The following SMAD2 variants were observed in gnomAD, a reference collection of about 807,000 sequenced individuals.
The protein encoded by SMAD2 is SMAD family member 2, also known as MAD homolog 2.
Under a neutral mutation model 64.4 loss-of-function variants are expected in SMAD2, and 8 were observed. The ratio of observed to expected loss-of-function variants is 0.12; its 90% confidence interval spans 0.07 to 0.22. The LOEUF is 0.22. Among genes scored for constraint, SMAD2 ranks in the 10% least tolerant of loss-of-function variants. SMAD2 has a pLI of 1.00. For missense variants in SMAD2, 289 were observed against 561.2 expected, an observed-to-expected ratio of 0.51 and a Z score of 4.90; for synonymous variants, 203 against 195.8, an observed-to-expected ratio of 1.04 and a Z score of -0.31.
chr18:47,925,325 CCT>C (rs2144553710), intron 1 of SMAD2, among the ~76,000 whole-genome samples: 1 of 152,254 alleles, frequency 6.6e-6, no homozygotes, highest in East Asian at 1.9e-4. Flanking sequence ...AGACTACAAA[CCT>C]AAAGATACAT....
rs1340252291 is a variant in SMAD2 at position 47,815,868 on chromosome 18, G to GT, written c.*25958dup. The GT allele has an allele frequency of 6.6e-6, 1 of 152,252 alleles. No individual in the cohort carries two copies. The highest frequency in any genetic ancestry group is 1.5e-5 in the Non-Finnish European group (1 of 68,066). The allele number at this position is 152,252 out of a possible 1,614,324, so 9.4% of individuals were successfully genotyped here. A position where few individuals can be genotyped will look rare whatever the true frequency, so the allele number is the denominator to read the frequency against. ...GTAGGAAAAAGCTAGTGGTGCCAGA[G>GT]TTTAAGTTTTCAGAGGAGGAATAAT... On this transcript the variant is annotated 3_prime_UTR_variant, in exon 11 of 11. Transcript: ENST00000262160.
rs1196956093 is a variant in SMAD2 at position 47,820,653 on chromosome 18, A to G, written c.*21174T>C. 6.6e-6 allele frequency: 1 copy of G among 152,188 alleles called. No homozygotes were observed. Among genetic ancestry groups the G allele is most frequent in the Non-Finnish European group, 1.5e-5 (1 of 68,026 alleles). The allele number at this position is 152,188 out of a possible 1,614,324, so 9.4% of individuals were successfully genotyped here. ...TGACCAGTTGTTTAAGGGGAAGTAT[A>G]AAACAAAGCAGAAAGTTTAAGCATG... On this transcript the variant is annotated 3_prime_UTR_variant, in exon 11 of 11. Coordinates refer to ENST00000262160, the MANE Select transcript of SMAD2 (RefSeq NM_005901.6).
At chr18:47,882,992 GCT>G (rs914877254) in intron 2 of SMAD2, among the ~76,000 whole-genome samples, 1 of 152,110 alleles carries the variant, frequency 6.6e-6, no homozygotes, top group Non-Finnish European at 1.5e-5. Context: ...GTGATTGTGG[GCT>G]CTCTGTCTTT....
chr18:47,909,102 C>T (rs1217380632), intron 1 of SMAD2, among the ~76,000 whole-genome samples: 1 of 152,100 alleles, frequency 6.6e-6, no homozygotes, highest in South Asian at 2.1e-4. Flanking sequence ...TGTGAAGCTG[C>T]CACTGCAGCT....
At chr18:47,916,991 T>C (rs975654549) in intron 1 of SMAD2, among the ~76,000 whole-genome samples, 1 of 152,208 alleles carries the variant, frequency 6.6e-6, no homozygotes, top group Non-Finnish European at 1.5e-5. Context: ...TTTGTTGTTG[T>C]CGTTGTTGAG....
rs1417006211 is a variant in SMAD2 at position 47,834,745 on chromosome 18, TA to T, written c.*7081del. The T allele has an allele frequency of 1.8e-5, 4 of 221,322 alleles. No homozygotes were observed. Among genetic ancestry groups the T allele is most frequent in the Non-Finnish European group, 3.6e-5 (4 of 110,548 alleles). 13.7% of individuals were successfully genotyped at this position (221,322 alleles called of 1,614,324 possible). A position where few individuals can be genotyped will look rare whatever the true frequency, so the allele number is the denominator to read the frequency against. On this transcript the variant is annotated 3_prime_UTR_variant, in exon 11 of 11. Coordinates refer to ENST00000262160, the MANE Select transcript of SMAD2 (RefSeq NM_005901.6). ...GAAATCTGTTTTCAGACAAATCTTCTAAAGGTTCTTCTAGCTTTGTCCAGTT... is the reference window on the plus strand; with the variant it reads ...GAAATCTGTTTTCAGACAAATCTTCTAAGGTTCTTCTAGCTTTGTCCAGTT...
At chr18:47,896,843 T>C in intron 1 of SMAD2, 34 bp from the exon 2 acceptor site, 1 of 1,528,280 alleles carries the variant, frequency 6.5e-7, no homozygotes. Context: ...ATGTAGAGAC[T>C]ACCTTGAACA....
rs1447768641 is a variant in SMAD2 at position 47,837,615 on chromosome 18, C to G, written c.*4212G>C. On this transcript the variant is annotated 3_prime_UTR_variant, in exon 11 of 11. Coordinates refer to ENST00000262160, the MANE Select transcript of SMAD2 (RefSeq NM_005901.6). ...GGCTAACAAGAAAGAGGATAACCAG[C>G]AAGTACCACCTGGATGTGTGTTGTC... The G allele has an allele frequency of 4.4e-6, 1 of 229,216 alleles. No individual in the cohort carries two copies. Among genetic ancestry groups the G allele is most frequent in the Admixed American group, 5.8e-5 (1 of 17,290 alleles). The allele number at this position is 229,216 out of a possible 1,614,324, so 14.2% of individuals were successfully genotyped here. A position where few individuals can be genotyped will look rare whatever the true frequency, so the allele number is the denominator to read the frequency against.
chr18:47,836,476 C>G lies in SMAD2; in HGVS notation c.*5351G>C. ...GCAGATTAAGAAAATTAATGTACTCCAATGGTCTGTCCATGAAAGGAAAAT... is the reference window on the plus strand; with the variant it reads ...GCAGATTAAGAAAATTAATGTACTCGAATGGTCTGTCCATGAAAGGAAAAT... On this transcript the variant is annotated 3_prime_UTR_variant, in exon 11 of 11. Coordinates refer to ENST00000262160, the MANE Select transcript of SMAD2 (RefSeq NM_005901.6). 4.5e-6 allele frequency: 1 copy of G among 220,366 alleles called. No homozygotes were observed. Among genetic ancestry groups the G allele is most frequent in the East Asian group, 6.7e-5 (1 of 14,982 alleles). The allele number at this position is 220,366 out of a possible 1,614,324, so 13.7% of individuals were successfully genotyped here.
rs71162900 is a variant in SMAD2, at chr18:47,882,041, CTTTTTTTTTTTTTTTTTT to C, written c.237-11495_237-11478del. ...CACAGGAATGTACTACCACGCTTGG[CTTTTTTTTTTTTTTTTTT>C]TTTTTTTTGTGGAGACAGAGTCTTA... On this transcript the variant is annotated intron_variant, in intron 2 of 10. Transcript: ENST00000262160. Among the ~76,000 whole-genome samples, 22 of 38,874 alleles carry C rather than the reference CTTTTTTTTTTTTTTTTTT, an allele frequency of 5.7e-4. No individual in the cohort carries two copies. The East Asian group carries it at 0.015, about 26-fold the overall frequency. The allele number at this position is 38,874 out of a possible 152,430, so 25.5% of individuals were successfully genotyped here.
chr18:47,915,797 A>T (rs2034309879), intron 1 of SMAD2, among the ~76,000 whole-genome samples: 1 of 152,164 alleles, frequency 6.6e-6, no homozygotes, highest in Non-Finnish European at 1.5e-5. Context: ...TGTCTCCCTT[A>T]CGTTCCTTTT....
At chr18:47,920,962 C>A (rs932990105) in intron 1 of SMAD2, among the ~76,000 whole-genome samples, 1 of 152,168 alleles carries the variant, frequency 6.6e-6, no homozygotes, top group Non-Finnish European at 1.5e-5. Flanking sequence ...CAAGACAAAT[C>A]TAGGCAACAT....
chr18:47,853,981 C>A (rs2030410597), intron 6 of SMAD2, among the ~76,000 whole-genome samples: 1 of 151,836 alleles, frequency 6.6e-6, no homozygotes, highest in African/African-American at 2.4e-5. Flanking sequence ...CCAGTAGGAT[C>A]ATTTAAATTA....
intron 1 of SMAD2, among the ~76,000 whole-genome samples, chr18:47,919,155 CA>C (rs1376350119): frequency 6.6e-6 from 1 of 151,942 alleles, no homozygotes; most frequent in East Asian, 1.9e-4. Flanking sequence ...ATACTGTAAA[CA>C]AAGTCAAGAG....
In SMAD2 at chr18:47,828,088, C is replaced by T. The variant is rs1241869643; in HGVS notation, c.*13739G>A. The T allele has an allele frequency of 5.0e-4, 82 of 163,282 alleles. No homozygotes were observed. The highest frequency in any genetic ancestry group is 5.1e-4 in the Non-Finnish European group (39 of 76,102). The allele number at this position is 163,282 out of a possible 1,614,324, so 10.1% of individuals were successfully genotyped here. A position where few individuals can be genotyped will look rare whatever the true frequency, so the allele number is the denominator to read the frequency against. ...GATGTGAGGAGTGTCTCTGCCCGAC[C>T]GCCACCCCGTCTGGGAGGTGAGGAG... is the stretch of plus-strand genomic sequence containing the variant. On this transcript the variant is annotated 3_prime_UTR_variant, in exon 11 of 11. Coordinates refer to ENST00000262160, the MANE Select transcript of SMAD2 (RefSeq NM_005901.6).
intron 1 of SMAD2, among the ~76,000 whole-genome samples, chr18:47,914,590 C>T (rs1270736964): frequency 6.6e-6 from 1 of 152,120 alleles, no homozygotes; most frequent in East Asian, 1.9e-4. Context: ...GTGATCTAAC[C>T]ATCTCTCATA....
At chr18:47,915,035 T>C (rs528908840) in intron 1 of SMAD2, among the ~76,000 whole-genome samples, 3 of 152,214 alleles carry the variant, frequency 2.0e-5, no homozygotes, top group Non-Finnish European at 4.4e-5. Context: ...CCAGGTATCT[T>C]GGTTTTTATT....
chr18:47,822,471 CAT>C lies in SMAD2; in HGVS notation c.*19354_*19355del, dbSNP rs547605112. 6 of 152,300 alleles carry C rather than the reference CAT, an allele frequency of 3.9e-5. No individual in the cohort carries two copies. Among genetic ancestry groups the C allele is most frequent in the South Asian group, 2.1e-4 (1 of 4,832 alleles). The allele number at this position is 152,300 out of a possible 1,614,324, so 9.4% of individuals were successfully genotyped here. A position where few individuals can be genotyped will look rare whatever the true frequency, so the allele number is the denominator to read the frequency against. ...AGATCAACCACAACAAAAAAAGTTA[CAT>C]GAGACTAAGTAACTGAAGATGTGTC... On this transcript the variant is annotated 3_prime_UTR_variant, in exon 11 of 11. Coordinates refer to ENST00000262160, the MANE Select transcript of SMAD2 (RefSeq NM_005901.6).
chr18:47,853,644 A>G (rs1457341138), intron 6 of SMAD2, among the ~76,000 whole-genome samples: 1 of 152,170 alleles, frequency 6.6e-6, no homozygotes, highest in African/African-American at 2.4e-5. Context: ...GGTAGCCCCT[A>G]GATAAATAAA....
Sources: allele counts gnomAD v4.1 joint callset (sites outside exome capture counted in the v4.1 genomes callset), GRCh38; gene constraint gnomAD v4.1.1; transcripts MANE v1.5; gene names NCBI Gene and HGNC (gene_info 2026-07-23, HGNC 2026-07-21).